SLIT3: variants seen among roughly 807,000 people sequenced by gnomAD.
The protein encoded by SLIT3 is slit homolog 3 protein.
Under a neutral mutation model 184.0 loss-of-function variants are expected in SLIT3, and 68 were observed. That is an observed-to-expected ratio of 0.37 (90% CI 0.30 to 0.45). SLIT3 has a LOEUF of 0.45. SLIT3 is among the 20% of genes least tolerant of loss of function. The pLI, the probability that SLIT3 is intolerant of heterozygous loss-of-function variation, is 1.00. For missense variants in SLIT3, 1,707 were observed against 2,026.0 expected (o/e 0.84, Z 3.02); for synonymous variants, 831 against 828.6 (o/e 1.00, Z -0.05).
intron 3 of SLIT3, among the ~76,000 whole-genome samples, chr5:169,223,013 G>T (rs1382826999): frequency 6.6e-6 from 1 of 152,170 alleles, no homozygotes; most frequent in African/African-American, 2.4e-5. Flanking sequence ...CCATGCCACA[G>T]TTCAAAGGGG....
chr5:168,814,988 C>T (rs1430229568), intron 8 of SLIT3, among the ~76,000 whole-genome samples: 2 of 152,150 alleles, frequency 1.3e-5, no homozygotes, highest in African/African-American at 4.8e-5. Context: ...ATCCCTCATG[C>T]ATAGGGGTCT....
intron 1 of SLIT3, among the ~76,000 whole-genome samples, chr5:169,264,063 C>CAA (rs147340057): frequency 4.6e-5 from 7 of 150,566 alleles, no homozygotes; most frequent in South Asian, 2.1e-4. Context: ...TCCTACCTTC[C>CAA]AAAAAAAACC....
At chr5:168,824,259 C>G (rs1354555340) in intron 6 of SLIT3, among the ~76,000 whole-genome samples, 1 of 152,168 alleles carries the variant, frequency 6.6e-6, no homozygotes, top group East Asian at 1.9e-4. Flanking sequence ...TAATCTCAAA[C>G]AAGTCTGTGA....
intron 4 of SLIT3, among the ~76,000 whole-genome samples, chr5:168,913,364 C>T (rs993771941): frequency 2.0e-5 from 3 of 152,200 alleles, no homozygotes; most frequent in Non-Finnish European, 4.4e-5. Context: ...GTGACCACAA[C>T]ACCAGATTAA....
rs377621217 is a variant in SLIT3 at position 169,161,399 on chromosome 5, A to T, written c.413+32080T>A. Among the ~76,000 whole-genome samples, 163 of 152,054 alleles carry T rather than the reference A, an allele frequency of 1.1e-3. 3 individuals are homozygous for T. Among genetic ancestry groups the T allele is most frequent in the South Asian group, 6.9e-3 (33 of 4,800 alleles). ...CCCCTTCCTTGGGCCGAGCCTCTGT[A>T]CCCGCCCACTGGCTAGACTCCTGAG... On this transcript the variant is annotated intron_variant, in intron 4 of 35. Transcript: ENST00000519560.
chr5:168,919,532 G>T (rs1761566556), intron 4 of SLIT3, among the ~76,000 whole-genome samples: 2 of 152,026 alleles, frequency 1.3e-5, no homozygotes, highest in Admixed American at 1.3e-4. Context: ...ATTCTGCTGA[G>T]AAACTCTCTG....
At chr5:169,113,805 G>A (rs1185208688) in intron 4 of SLIT3, among the ~76,000 whole-genome samples, 1 of 151,830 alleles carries the variant, frequency 6.6e-6, no homozygotes, top group African/African-American at 2.4e-5. Flanking sequence ...ACTGACATGT[G>A]CCATCATGCC....
intron 4 of SLIT3, among the ~76,000 whole-genome samples, chr5:168,961,836 T>C (rs1763019370): frequency 6.6e-6 from 1 of 151,064 alleles, no homozygotes; most frequent in African/African-American, 2.5e-5. Context: ...AATACTATAC[T>C]ATTTCAGGCA....
intron 4 of SLIT3, among the ~76,000 whole-genome samples, chr5:169,163,713 T>A (rs1762548350): frequency 6.6e-6 from 1 of 152,198 alleles, no homozygotes; most frequent in African/African-American, 2.4e-5. Flanking sequence ...AAAATCTGGA[T>A]ATTTTATCAT....
intron 4 of SLIT3, among the ~76,000 whole-genome samples, chr5:169,153,764 A>C (rs297826): frequency 0.027 from 4,063 of 152,248 alleles, 170 homozygotes; most frequent in East Asian, 0.089. Flanking sequence ...TCTGATTCTA[A>C]CCCTTTCCTT....
chr5:168,842,243 A>C (rs547392093), intron 6 of SLIT3, among the ~76,000 whole-genome samples: 4 of 152,262 alleles, frequency 2.6e-5, no homozygotes, highest in Non-Finnish European at 5.9e-5. Flanking sequence ...CCATGGAATA[A>C]CTGATTATGA....
chr5:168,671,057 A>G, intron 34 of SLIT3, 141 bp downstream of exon 34: 1 of 918,698 alleles, frequency 1.1e-6, no homozygotes, highest in South Asian at 1.7e-5. Context: ...TGACCTCTTA[A>G]GCAGTTACAC....
intron 4 of SLIT3, among the ~76,000 whole-genome samples, chr5:169,151,302 G>A (rs1207681586): frequency 6.6e-6 from 1 of 152,130 alleles, no homozygotes; most frequent in Non-Finnish European, 1.5e-5. Context: ...TACCCTGAGT[G>A]GTCCTGCTTC....
intron 4 of SLIT3, among the ~76,000 whole-genome samples, chr5:168,972,062 C>T (rs183558634): frequency 3.7e-4 from 56 of 152,248 alleles, no homozygotes; most frequent in African/African-American, 1.2e-3. Context: ...CACAGGGCTG[C>T]GAGGAAGGTC....
chr5:169,274,006 G>A (rs1285049020), intron 1 of SLIT3, among the ~76,000 whole-genome samples: 1 of 152,170 alleles, frequency 6.6e-6, no homozygotes, highest in Admixed American at 6.5e-5. Flanking sequence ...GAACAACAAA[G>A]GCAGAATCCC....
intron 4 of SLIT3, among the ~76,000 whole-genome samples, chr5:168,907,303 G>T (rs1761083281): frequency 1.3e-5 from 2 of 152,176 alleles, no homozygotes; most frequent in East Asian, 3.8e-4. Flanking sequence ...CAGCCATAAG[G>T]CCTCACACTG....
chr5:168,680,616 T>C (rs570951378), intron 32 of SLIT3, among the ~76,000 whole-genome samples: 7 of 152,010 alleles, frequency 4.6e-5, no homozygotes, highest in African/African-American at 1.7e-4. Context: ...GTTATTGTAC[T>C]GATGCTGAGG....
chr5:169,233,547 C>T (rs1765085463), intron 3 of SLIT3, among the ~76,000 whole-genome samples: 1 of 152,080 alleles, frequency 6.6e-6, no homozygotes, highest in South Asian at 2.1e-4. Flanking sequence ...CTTTGTGCAC[C>T]TAACAACACA....
At chr5:168,860,369 C>T (rs141833584) in intron 5 of SLIT3, among the ~76,000 whole-genome samples, 137 of 152,258 alleles carry the variant, frequency 9.0e-4, no homozygotes, top group Non-Finnish European at 1.5e-3. Context: ...GCTACTGCAA[C>T]TCAGGGATGC....
Sources: allele counts gnomAD v4.1 joint callset (sites outside exome capture counted in the v4.1 genomes callset), GRCh38; gene constraint gnomAD v4.1.1; transcripts MANE v1.5; gene names NCBI Gene and HGNC (gene_info 2026-07-23, HGNC 2026-07-21).